Variants in JAZF1 observed in about 807,000 individuals in gnomAD.
JAZF1 encodes JAZF zinc finger 1.
In JAZF1, 8 loss-of-function variants were observed where a neutral mutation model predicts 26.4. The ratio of observed to expected loss-of-function variants is 0.30; its 90% confidence interval spans 0.18 to 0.55. The LOEUF is 0.55. JAZF1 is among the 20% of genes least tolerant of loss of function. The probability of loss-of-function intolerance (pLI) is 0.94; values close to 1 mark genes in which losing one functional copy is unlikely to be tolerated. For synonymous variants in JAZF1, 126 were observed against 122.3 expected, an observed-to-expected ratio of 1.03 and a Z score of -0.20; for missense variants, 199 against 322.0, an observed-to-expected ratio of 0.62 and a Z score of 2.92.
At chr7:27,851,682 C>T (rs1783153405) in intron 3 of JAZF1, among the ~76,000 whole-genome samples, 1 of 152,106 alleles carries the variant, frequency 6.6e-6, no homozygotes, top group South Asian at 2.1e-4. Context: ...AAGACCTTGT[C>T]TCCTAAAAAA....
In JAZF1 at chr7:27,996,108, A is replaced by C. The variant is rs116462245; in HGVS notation, c.116-4127T>G. Among the ~76,000 whole-genome samples, 531 of 152,324 alleles carry C rather than the reference A, an allele frequency of 3.5e-3. 3 individuals carry two copies. Among genetic ancestry groups the C allele is most frequent in the African/African-American group, 0.012 (514 of 41,570 alleles). On this transcript the variant is annotated intron_variant, in intron 1 of 4. Coordinates refer to ENST00000283928, the MANE Select transcript of JAZF1 (RefSeq NM_175061.4). ...AATTGCCTTTTGCAGTGCTCTTGTC[A>C]AGTCTAAACGAAAACTCTATCAGGG... is the stretch of plus-strand genomic sequence containing the variant.
At chr7:28,059,083 T>C (rs1783759969) in intron 1 of JAZF1, among the ~76,000 whole-genome samples, 1 of 152,208 alleles carries the variant, frequency 6.6e-6, no homozygotes, top group Non-Finnish European at 1.5e-5. Flanking sequence ...AGTAGTAACA[T>C]AATAAGTACA....
intron 2 of JAZF1, among the ~76,000 whole-genome samples, chr7:27,967,619 A>C (rs959012313): frequency 2.6e-5 from 4 of 152,240 alleles, no homozygotes; most frequent in African/African-American, 9.6e-5. Flanking sequence ...GCAATTTTAC[A>C]CATATGTGTG....
chr7:28,179,957 C>A (rs1451816779), intron 1 of JAZF1, among the ~76,000 whole-genome samples: 1 of 141,388 alleles, frequency 7.1e-6, no homozygotes. Flanking sequence ...CGCCGCCGAG[C>A]CCTGACAGCT....
chr7:28,173,258 C>A (rs947582934), intron 1 of JAZF1, among the ~76,000 whole-genome samples: 1 of 152,100 alleles, frequency 6.6e-6, no homozygotes. Context: ...CTGGTCTCTC[C>A]AAATAAATTT....
At chr7:27,916,834 C>T (rs534808447) in intron 2 of JAZF1, among the ~76,000 whole-genome samples, 150 of 152,328 alleles carry the variant, frequency 9.8e-4, no homozygotes, top group African/African-American at 3.3e-3. Flanking sequence ...AAAATCCCAC[C>T]GCTCTGTCCA....
chr7:27,867,383 A>G (rs915158876), intron 3 of JAZF1, among the ~76,000 whole-genome samples: 3 of 152,240 alleles, frequency 2.0e-5, no homozygotes, highest in Admixed American at 2.0e-4. Context: ...CGTGAGAGTC[A>G]CTGAAAGTTC....
chr7:28,050,608 C>T (rs1258522384), intron 1 of JAZF1, among the ~76,000 whole-genome samples: 1 of 152,128 alleles, frequency 6.6e-6, no homozygotes, highest in South Asian at 2.1e-4. Flanking sequence ...TTAGACTATG[C>T]ATGGTGTCCA....
chr7:27,877,125 C>T (rs897340071), intron 3 of JAZF1, among the ~76,000 whole-genome samples: 2 of 151,248 alleles, frequency 1.3e-5, no homozygotes, highest in African/African-American at 4.8e-5. Context: ...GCATCCCCAG[C>T]TTTATCACCG....
intron 1 of JAZF1, among the ~76,000 whole-genome samples, chr7:28,044,172 G>T (rs148856922): frequency 6.6e-6 from 1 of 152,278 alleles, no homozygotes; most frequent in East Asian, 1.9e-4. Flanking sequence ...TAAAAAAAAT[G>T]CATCAAATAT....
intron 2 of JAZF1, among the ~76,000 whole-genome samples, chr7:27,983,110 GAGA>G (rs1410228420): frequency 2.6e-5 from 4 of 152,232 alleles, no homozygotes; most frequent in Non-Finnish European, 5.9e-5. Context: ...GACGAGTTGA[GAGA>G]AGAAGGCTTC....
intron 2 of JAZF1, among the ~76,000 whole-genome samples, chr7:27,989,978 T>A (rs1259277950): frequency 6.6e-6 from 1 of 152,194 alleles, no homozygotes; most frequent in South Asian, 2.1e-4. Flanking sequence ...TAAAGACACA[T>A]GCACATGTAT....
At chr7:27,839,553 T>C (rs1782882780) in intron 4 of JAZF1, among the ~76,000 whole-genome samples, 3 of 152,230 alleles carry the variant, frequency 2.0e-5, no homozygotes, top group Non-Finnish European at 4.4e-5. Flanking sequence ...TCCTGAGACC[T>C]GTTCTGACCC....
chr7:27,875,962 C>CA (rs1783671749), intron 3 of JAZF1, among the ~76,000 whole-genome samples: 1 of 152,232 alleles, frequency 6.6e-6, no homozygotes, highest in Non-Finnish European at 1.5e-5. Flanking sequence ...CAGAGGAGAG[C>CA]ACTCAGGAGT....
chr7:27,995,943 C>G (rs902592970), intron 1 of JAZF1, among the ~76,000 whole-genome samples: 3 of 152,146 alleles, frequency 2.0e-5, no homozygotes, highest in Non-Finnish European at 4.4e-5. Context: ...TCAGTAGGAA[C>G]TGGAACTGCA....
At chr7:28,102,280 A>G in intron 1 of JAZF1, among the ~76,000 whole-genome samples, 1 of 152,274 alleles carries the variant, frequency 6.6e-6, no homozygotes, top group East Asian at 1.9e-4. Flanking sequence ...GGCATTTGCT[A>G]CAAAAGTGGA....
chr7:27,951,715 T>C (rs1407169716), intron 2 of JAZF1, among the ~76,000 whole-genome samples: 1 of 152,208 alleles, frequency 6.6e-6, no homozygotes, highest in Non-Finnish European at 1.5e-5. Context: ...GAACACAGCA[T>C]TGGTCCCACA....
chr7:28,180,084 C>T (rs1237016686), intron 1 of JAZF1, among the ~76,000 whole-genome samples: 11 of 146,346 alleles, frequency 7.5e-5, no homozygotes, highest in Admixed American at 7.5e-4. Context: ...CAGCGCCCAG[C>T]TCCCGCCGCC....
At chr7:28,080,993 AG>A (rs914094123) in intron 1 of JAZF1, among the ~76,000 whole-genome samples, 16 of 152,240 alleles carry the variant, frequency 1.1e-4, no homozygotes, top group African/African-American at 2.6e-4. Context: ...GTGTGCCTGT[AG>A]GGGGGAAGGG....
Sources: gnomAD v4.1 joint callset for allele counts (sites outside exome capture counted in the v4.1 genomes callset) on GRCh38, gnomAD v4.1.1 for gene constraint, MANE v1.5 for transcripts, NCBI Gene and HGNC (gene_info 2026-07-23, HGNC 2026-07-21) for gene names.